Variants in UNC5C observed in about 807,000 individuals in gnomAD.
The protein encoded by UNC5C is unc-5 netrin receptor C.
A neutral mutation model predicts 99.8 loss-of-function variants in UNC5C; 47 were observed. The ratio of observed to expected loss-of-function variants is 0.47; its 90% CI spans 0.37 to 0.60. UNC5C has a LOEUF of 0.60. Among genes scored for constraint, UNC5C ranks in the 20% least tolerant of loss-of-function variants. UNC5C has a pLI of 0.00. For synonymous variants in UNC5C, 487 were observed against 452.2 expected (o/e 1.08, Z -0.98); for missense variants, 1,062 against 1,165.9 (o/e 0.91, Z 1.30).
chr4:95,538,517 C>A (rs1022408180), intron 1 of UNC5C, among the ~76,000 whole-genome samples: 2 of 152,152 alleles, frequency 1.3e-5, no homozygotes, highest in Non-Finnish European at 2.9e-5. Flanking sequence ...AGGATTTAGA[C>A]TTGTAATCTG....
Position 95,354,479 on chromosome 4 carries a change from A to ATATATATATATATATATATATATATTT in UNC5C, c.125-18849_125-18848insAAATATATATATATATATATATATATA. ...TTACCTAACTCTTCCATATATATAT[A>ATATATATATATATATATATATATATTT]TTTTTTTTTTTTTTTTAAGAGACAG... On this transcript the variant is annotated intron_variant, in intron 1 of 15. Transcript: ENST00000453304. 4.5e-5 allele frequency among the ~76,000 whole-genome samples: 5 copies of ATATATATATATATATATATATATATTT among 110,342 alleles called. No individual in the cohort carries two copies. The South Asian group carries it at 1.2e-3, about 26-fold the overall frequency. 72.4% of individuals were successfully genotyped at this position (110,342 alleles called of 152,430 possible). A position where few individuals can be genotyped will look rare whatever the true frequency, so the allele number is the denominator to read the frequency against.
chr4:95,300,880 A>G, intron 3 of UNC5C, among the ~76,000 whole-genome samples: 1 of 152,204 alleles, frequency 6.6e-6, no homozygotes, highest in East Asian at 1.9e-4. Context: ...CTACTATTTG[A>G]TAGTACAACA....
At chr4:95,300,695 T>C (rs2149403625) in intron 3 of UNC5C, among the ~76,000 whole-genome samples, 1 of 152,162 alleles carries the variant, frequency 6.6e-6, no homozygotes, top group Non-Finnish European at 1.5e-5. Flanking sequence ...TTCTTTCACA[T>C]CCCTAAAGAA....
intron 3 of UNC5C, among the ~76,000 whole-genome samples, chr4:95,289,845 G>A (rs913716878): frequency 6.6e-6 from 1 of 152,116 alleles, no homozygotes; most frequent in Non-Finnish European, 1.5e-5. Flanking sequence ...TATTAAAAGT[G>A]AAAAATGCCT....
chr4:95,463,121 C>G (rs961749891), intron 1 of UNC5C, among the ~76,000 whole-genome samples: 4 of 152,218 alleles, frequency 2.6e-5, no homozygotes, highest in African/African-American at 9.6e-5. Context: ...GGAGAAAAAC[C>G]AGGCTTCTAG....
chr4:95,263,571 G>A (rs929085007), intron 4 of UNC5C, among the ~76,000 whole-genome samples: 1 of 152,142 alleles, frequency 6.6e-6, no homozygotes, highest in Non-Finnish European at 1.5e-5. Context: ...TGTTTATGCT[G>A]CACTTTCACA....
chr4:95,185,125 G>A lies in UNC5C; in HGVS notation c.2208C>T (p.Gly736=), dbSNP rs752830252. 6.2e-7 allele frequency: 1 copy of A among 1,614,010 alleles called. No individual in the cohort carries two copies. The highest frequency in any genetic ancestry group is 1.1e-5 in the South Asian group (1 of 91,070). The change falls in exon 13 of 16, where the codon GGC becomes GGT. Residue 736 remains glycine, a synonymous_variant. Coordinates refer to ENST00000453304, the MANE Select transcript of UNC5C (RefSeq NM_003728.4). ...TTGACAGGCGCAGGTTGTGGGTGCT[G>A]CCTTTAAAATGAAGAGCCTTAGGTT... ...LEEPKALHFK[G]STHNLRLSIH...
chr4:95,399,144 A>G (rs1055089061), intron 1 of UNC5C, among the ~76,000 whole-genome samples: 1 of 152,192 alleles, frequency 6.6e-6, no homozygotes, highest in Non-Finnish European at 1.5e-5. Flanking sequence ...TGCCACCTGC[A>G]ATGTTTTTAA....
chr4:95,479,129 C>T (rs999756077), intron 1 of UNC5C, among the ~76,000 whole-genome samples: 2 of 152,118 alleles, frequency 1.3e-5, no homozygotes, highest in Non-Finnish European at 2.9e-5. Context: ...AAAAACAAAG[C>T]AGACTAACAC....
intron 1 of UNC5C, among the ~76,000 whole-genome samples, chr4:95,368,309 A>AAG (rs2149437697): frequency 6.6e-6 from 1 of 152,052 alleles, no homozygotes; most frequent in Non-Finnish European, 1.5e-5. Context: ...AAAAAAAAAA[A>AAG]ACCAATCAAT....
intron 12 of UNC5C, among the ~76,000 whole-genome samples, chr4:95,199,673 A>T (rs188482397): frequency 9.5e-4 from 144 of 152,310 alleles, no homozygotes; most frequent in African/African-American, 3.2e-3. Context: ...TATTGGGAAA[A>T]CAAGGTGGCT....
intron 1 of UNC5C, among the ~76,000 whole-genome samples, chr4:95,462,220 T>C (rs1747625123): frequency 6.6e-6 from 1 of 152,184 alleles, no homozygotes; most frequent in Non-Finnish European, 1.5e-5. Context: ...CATATGTATG[T>C]GTACACATAT....
intron 1 of UNC5C, among the ~76,000 whole-genome samples, chr4:95,342,984 C>A (rs1743636457): frequency 1.3e-5 from 2 of 151,886 alleles, no homozygotes; most frequent in East Asian, 3.9e-4. Flanking sequence ...GGCATGGGTG[C>A]CAGTTTAGCC....
chr4:95,336,406 CA>C (rs1389364307), intron 1 of UNC5C, among the ~76,000 whole-genome samples: 1 of 151,788 alleles, frequency 6.6e-6, no homozygotes, highest in Non-Finnish European at 1.5e-5. Context: ...ACTAATTCCC[CA>C]AACTGGTTAC....
chr4:95,462,125 G>A (rs1747620662), intron 1 of UNC5C, among the ~76,000 whole-genome samples: 2 of 151,814 alleles, frequency 1.3e-5, no homozygotes, highest in Non-Finnish European at 2.9e-5. Flanking sequence ...ATCCATTGCT[G>A]TTTTTTAACC....
At chr4:95,239,561 A>G (rs561867651) in intron 7 of UNC5C, among the ~76,000 whole-genome samples, 1 of 152,122 alleles carries the variant, frequency 6.6e-6, no homozygotes, top group South Asian at 2.1e-4. Flanking sequence ...TCCTGGTTAT[A>G]TTGGTGTCCA....
At chr4:95,386,212 C>CT (rs559949830) in intron 1 of UNC5C, among the ~76,000 whole-genome samples, 2,411 of 150,370 alleles carry the variant, frequency 0.016, 34 homozygotes, top group Non-Finnish European at 0.026. Context: ...TTTGACACAA[C>CT]TTTTTTTTTT....
chr4:95,333,396 A>T (rs1206920590), intron 2 of UNC5C, among the ~76,000 whole-genome samples: 5 of 152,230 alleles, frequency 3.3e-5, no homozygotes, highest in Admixed American at 3.3e-4. Context: ...CAGTCATAAA[A>T]AATGATGAGT....
intron 5 of UNC5C, among the ~76,000 whole-genome samples, chr4:95,247,538 G>A (rs928838716): frequency 3.3e-5 from 5 of 152,142 alleles, no homozygotes; most frequent in Admixed American, 6.5e-5. Context: ...AATTTTCAGA[G>A]ATGAAAAAGT....
Sources: gnomAD v4.1 joint callset for allele counts (sites outside exome capture counted in the v4.1 genomes callset) on GRCh38, gnomAD v4.1.1 for gene constraint, MANE v1.5 for transcripts, NCBI Gene and HGNC (gene_info 2026-07-23, HGNC 2026-07-21) for gene names.